RBM5: variants seen among roughly 807,000 people sequenced by gnomAD.
The protein encoded by RBM5 is RNA-binding protein 5.
Under a neutral mutation model 124.6 loss-of-function variants are expected in RBM5, and 15 were observed. The ratio of observed to expected loss-of-function variants is 0.12; its 90% CI spans 0.08 to 0.19. RBM5 has a LOEUF of 0.19. RBM5 is among the 10% of genes least tolerant of loss of function. The pLI is 1.00. For synonymous variants in RBM5, 337 were observed against 361.2 expected (o/e 0.93, Z 0.76); for missense variants, 580 against 1,026.5 (o/e 0.57, Z 5.94).
chr3:50,118,185 C>A, intron 24 of RBM5, 146 bp from the exon 25 acceptor site: 1 of 1,135,374 alleles, frequency 8.8e-7, no homozygotes, highest in Non-Finnish European at 1.2e-6. Flanking sequence ...TGCTCCTGGT[C>A]TCTTCTGGAG....
intron 17 of RBM5, 104 bp from the exon 18 acceptor site, chr3:50,113,278 AT>A: frequency 8.2e-7 from 1 of 1,220,270 alleles, no homozygotes; most frequent in Non-Finnish European, 1.1e-6. Flanking sequence ...TGGGCAGGAA[AT>A]ATCACTAGTC....
intron 11 of RBM5, 133 bp downstream of exon 11, chr3:50,106,997 G>T: frequency 1.3e-6 from 1 of 784,100 alleles, no homozygotes; most frequent in Non-Finnish European, 2.2e-6. Flanking sequence ...GGCCAGGAGG[G>T]ACACGTTTGT....
intron 6 of RBM5, 23 bp from the exon 7 acceptor site, chr3:50,103,060 A>G: frequency 6.5e-7 from 1 of 1,544,496 alleles, no homozygotes; most frequent in Non-Finnish European, 9.0e-7. Flanking sequence ...AATGGGAATA[A>G]CTAATTACTT....
chr3:50,092,072 A>T lies in RBM5; in HGVS notation c.47A>T (p.Tyr16Phe). 1.2e-6 allele frequency: 2 copies of T among 1,614,130 alleles called. No homozygotes were observed. The highest frequency in any genetic ancestry group is 1.7e-6 in the Non-Finnish European group (2 of 1,180,014). Reference sequence around the variant, plus strand: ...AGTAGAACAGAGCGTAGTGGAAGATACGGTTCCATCATAGACAGGGATGAC... The same window carrying T: ...AGTAGAACAGAGCGTAGTGGAAGATTCGGTTCCATCATAGACAGGGATGAC... ...RVSRTERSGRYGSIIDRDDRD... is the reference protein window; with the variant it reads ...RVSRTERSGRFGSIIDRDDRD... The change falls in exon 3 of 25, where the codon TAC (tyrosine) becomes TTC (phenylalanine). Residue 16 changes from tyrosine (Y) to phenylalanine (F), a missense_variant. By Grantham distance (22) the Tyr-to-Phe change is conservative. Transcript: ENST00000347869.
rs754387720 is a variant in RBM5, at chr3:50,090,403, T to G, written c.-32T>G. On this transcript the variant is annotated 5_prime_UTR_variant, in exon 2 of 25. Transcript: ENST00000347869. The stretch of plus-strand genomic sequence containing the variant: ...CTAGAAAAAATAAAATTTGAACCTT[T>G]TGGAGCTGTGTGCTAAATCTTCAGT... 1 of 1,613,382 alleles carries G rather than the reference T, an allele frequency of 6.2e-7. No individual in the cohort carries two copies. Among genetic ancestry groups the G allele is most frequent in the Non-Finnish European group, 8.5e-7 (1 of 1,179,676 alleles).
intron 4 of RBM5, among the ~76,000 whole-genome samples, chr3:50,097,375 G>A (rs1445286798): frequency 2.0e-5 from 3 of 148,050 alleles, no homozygotes; most frequent in African/African-American, 5.0e-5. Flanking sequence ...CAGCCTGGGC[G>A]ACAGAGCAAG....
chr3:50,102,960 G>A (rs1005857246), intron 6 of RBM5, 123 bp from the exon 7 acceptor site: 1 of 741,396 alleles, frequency 1.3e-6, no homozygotes, highest in Non-Finnish European at 2.4e-6. Flanking sequence ...GGCGGTGGTT[G>A]GTCCTCCCCG....
Position 50,115,568 on chromosome 3 carries a change from T to C in RBM5, c.1980T>C (p.Asp660=). Residue 660 remains aspartate (D), a synonymous_variant, in exon 21 of 25, where the codon GAT becomes GAC. Coordinates refer to ENST00000347869, the MANE Select transcript of RBM5 (RefSeq NM_005778.4). ...LLCRRQFPNK[D]ALVRHQQLSD... is the part of the protein sequence containing the mutation. Reference sequence around the variant, plus strand: ...GCCGGCGCCAGTTCCCGAACAAAGATGCCCTAGTCAGGCACCAGCAACTCT... The same window carrying C: ...GCCGGCGCCAGTTCCCGAACAAAGACGCCCTAGTCAGGCACCAGCAACTCT... 6.2e-7 allele frequency: 1 copy of C among 1,613,218 alleles called. No individual in the cohort carries two copies. Among genetic ancestry groups the C allele is most frequent in the South Asian group, 1.1e-5 (1 of 91,014 alleles).
intron 4 of RBM5, among the ~76,000 whole-genome samples, chr3:50,097,327 C>T (rs1046188122): frequency 1.0e-4 from 15 of 150,230 alleles, no homozygotes; most frequent in African/African-American, 1.2e-4. Context: ...ATCTGAGAGG[C>T]GGAGCTTGCA....
In RBM5 at chr3:50,117,030, T is replaced by C; in HGVS notation, c.2095-44T>C. 6.4e-7 allele frequency: 1 copy of C among 1,552,664 alleles called. No individual in the cohort carries two copies. Among genetic ancestry groups the C allele is most frequent in the Non-Finnish European group, 8.9e-7 (1 of 1,124,360 alleles). ...ATAGGTGCATTAGACGGTTACAGGT[T>C]GAAGTCTGTGAACATTTCCAGCAGT... On this transcript the variant is annotated intron_variant, in intron 22 of 24. Coordinates refer to ENST00000347869, the MANE Select transcript of RBM5 (RefSeq NM_005778.4). The surrounding 1 kb of genome is among the most constrained non-coding windows in gnomAD (Gnocchi z 4.2).
intron 8 of RBM5, chr3:50,104,825 G>T (rs532181038): frequency 3.4e-5 from 14 of 413,796 alleles, no homozygotes; most frequent in African/African-American, 2.2e-4. Flanking sequence ...AATTAAGTCT[G>T]CTCACCTGGT....
Position 50,117,454 on chromosome 3 carries a change from A to C in RBM5, c.2322+75A>C. On this transcript the variant is annotated intron_variant, in intron 24 of 24. Coordinates refer to ENST00000347869, the MANE Select transcript of RBM5 (RefSeq NM_005778.4). This position sits in a 1 kb window ranked among gnomAD's most constrained non-coding sequence, Gnocchi z 4.2. ...CCAGAGATGAGATCAGAGCACTCAT[A>C]GAGCCTGGGAGCCAGGAGCAGCTTT... 1 of 1,577,498 alleles carries C rather than the reference A, an allele frequency of 6.3e-7. No homozygotes were observed. The highest frequency in any genetic ancestry group is 8.6e-7 in the Non-Finnish European group (1 of 1,157,778).
At chr3:50,115,334 A>G in intron 20 of RBM5, 94 bp from the exon 21 acceptor site, 1 of 1,399,958 alleles carries the variant, frequency 7.1e-7, no homozygotes, top group South Asian at 1.3e-5. Context: ...GGATTTGTTA[A>G]CATTTCGGAT....
chr3:50,112,364 G>A (rs1187922761), intron 17 of RBM5, among the ~76,000 whole-genome samples: 1 of 146,500 alleles, frequency 6.8e-6, no homozygotes, highest in South Asian at 2.1e-4. Context: ...GGCAGTAAGC[G>A]AATGTCGCGC....
chr3:50,092,103 T>G lies in RBM5; in HGVS notation c.78T>G (p.Asp26Glu). The change falls in exon 3 of 25, where the codon GAT becomes GAG. Residue 26 changes from aspartate (D) to glutamate (E), a missense_variant. Transcript: ENST00000347869. ...CCATCATAGACAGGGATGACCGTGATGAGCGTGAATCCCGAAGCAGGCGGA... is the reference window on the plus strand; with the variant it reads ...CCATCATAGACAGGGATGACCGTGAGGAGCGTGAATCCCGAAGCAGGCGGA... ...YGSIIDRDDR[D>E]ERESRSRRRD... is the part of the protein sequence containing the mutation. 6 of 1,613,990 alleles carry G rather than the reference T, an allele frequency of 3.7e-6. No homozygotes were observed. The highest frequency in any genetic ancestry group is 5.1e-6 in the Non-Finnish European group (6 of 1,179,960).
rs1454316589 is a variant in RBM5, at chr3:50,100,746, T to C, written c.483+141T>C. ...GCTTTGTATATATTAAAATTGATGT[T>C]ACTAGAATAAGTACAGTACCAAGGA... On this transcript the variant is annotated intron_variant, in intron 6 of 24. Coordinates refer to ENST00000347869, the MANE Select transcript of RBM5 (RefSeq NM_005778.4). The surrounding 1 kb of genome is among the most constrained non-coding windows in gnomAD (Gnocchi z 5.1). 1.5e-5 allele frequency: 9 copies of C among 614,188 alleles called. No individual in the cohort carries two copies. The highest frequency in any genetic ancestry group is 5.9e-5 in the Admixed American group (2 of 33,692). 38.0% of individuals were successfully genotyped at this position (614,188 alleles called of 1,614,324 possible).
chr3:50,108,622 G>A (rs1337611765), intron 14 of RBM5, among the ~76,000 whole-genome samples: 1 of 152,088 alleles, frequency 6.6e-6, no homozygotes, highest in Non-Finnish European at 1.5e-5. Flanking sequence ...CAGGAGAATT[G>A]CTTGAACCCG....
chr3:50,108,894 T>C (rs1575326876), intron 14 of RBM5, among the ~76,000 whole-genome samples: 1 of 152,262 alleles, frequency 6.6e-6, no homozygotes, highest in Non-Finnish European at 1.5e-5. Context: ...GAGTCGTGAG[T>C]GCCCACGTAA....
intron 4 of RBM5, among the ~76,000 whole-genome samples, chr3:50,098,764 C>T (rs1000110849): frequency 6.6e-6 from 1 of 151,706 alleles, no homozygotes; most frequent in African/African-American, 2.4e-5. Context: ...TTTTTGTATA[C>T]AGATGGGGTC....
Sources: gnomAD v4.1 joint callset for allele counts (sites outside exome capture counted in the v4.1 genomes callset) on GRCh38, gnomAD v4.1.1 for gene constraint, Gnocchi (gnomAD v3.1) non-coding constraint, MANE v1.5 for transcripts, NCBI Gene and HGNC (gene_info 2026-07-23, HGNC 2026-07-21) for gene names.